Variants in ZNF280D observed in about 807,000 individuals in gnomAD.
ZNF280D encodes zinc finger protein 280D.
A neutral mutation model predicts 94.7 loss-of-function variants in ZNF280D; 39 were observed. The ratio of observed to expected loss-of-function variants is 0.41; its 90% CI spans 0.32 to 0.54. The LOEUF (loss-of-function observed/expected upper bound fraction) is 0.54, where lower values mean the gene tolerates loss of function less well. Ranked by LOEUF, ZNF280D falls within the 20% of genes least tolerant of loss-of-function variation. ZNF280D has a pLI of 0.22. For missense variants in ZNF280D, 1,090 were observed against 1,149.3 expected (o/e 0.95, Z 0.75); for synonymous variants, 398 against 377.6 (o/e 1.05, Z -0.63).
At chr15:56,700,790 TA>T (rs1567003110) in intron 6 of ZNF280D, 142 bp downstream of exon 6, 1 of 1,544,640 alleles carries the variant, frequency 6.5e-7, no homozygotes, top group South Asian at 1.2e-5. Context: ...CTAGCGAAAA[TA>T]TGGTGACATT....
rs565691241 is a variant in ZNF280D, at chr15:56,720,952, T to A, written c.-86+12506A>T. On this transcript the variant is annotated intron_variant, in intron 1 of 21. Coordinates refer to ENST00000267807, the MANE Select transcript of ZNF280D (RefSeq NM_017661.4). ...TTCCATTTTTAAAGCATAGGCAGAGTAGATTTAGCATTTTTTTTGGGGGGG... is the reference window on the plus strand; with the variant it reads ...TTCCATTTTTAAAGCATAGGCAGAGAAGATTTAGCATTTTTTTTGGGGGGG... Among the ~76,000 whole-genome samples, 12 of 112,322 alleles carry A rather than the reference T, an allele frequency of 1.1e-4. No homozygotes were observed. The East Asian group carries it at 2.7e-3, about 26-fold the overall frequency. The allele number at this position is 112,322 out of a possible 152,430, so 73.7% of individuals were successfully genotyped here.
chr15:56,671,184 T>C (rs1336244026), intron 13 of ZNF280D, among the ~76,000 whole-genome samples: 1 of 152,148 alleles, frequency 6.6e-6, no homozygotes, highest in Non-Finnish European at 1.5e-5. Context: ...TTAGATCTCA[T>C]GTGTCAATTT....
intron 1 of ZNF280D, among the ~76,000 whole-genome samples, chr15:56,728,580 C>A (rs763185377): frequency 3.9e-5 from 6 of 151,940 alleles, no homozygotes; most frequent in Admixed American, 6.6e-5. Flanking sequence ...AAAAGACAAC[C>A]CAGAAGGAAT....
chr15:56,731,218 T>C (rs1049987997), intron 1 of ZNF280D, among the ~76,000 whole-genome samples: 1 of 152,062 alleles, frequency 6.6e-6, no homozygotes. Context: ...AAAAGGTCAA[T>C]TTCGCCCAGT....
Position 56,676,998 on chromosome 15 carries a change from T to C in ZNF280D, c.1264-182A>G, listed in dbSNP as rs566859112. Among the ~76,000 whole-genome samples the C allele has an allele frequency of 3.3e-5, 5 of 152,300 alleles. No homozygotes were observed. In the East Asian group the frequency reaches 9.7e-4, roughly 29 times the overall value. On this transcript the variant is annotated intron_variant, in intron 12 of 21. Transcript: ENST00000267807. The stretch of plus-strand genomic sequence containing the variant: ...AAGACCATCTTTGAGACATTAAACG[T>C]AGCTTTCAAAGTTAAGGGATACATC...
At chr15:56,712,641 C>CATTCTACAT (rs1416612055) in intron 1 of ZNF280D, among the ~76,000 whole-genome samples, 3 of 145,896 alleles carry the variant, frequency 2.1e-5, no homozygotes, top group African/African-American at 7.5e-5. Flanking sequence ...AAAAAACACT[C>CATTCTACAT]ATTCTACATG....
Position 56,704,654 on chromosome 15 carries a change from G to A in ZNF280D, c.29-387C>T, listed in dbSNP as rs941775017. On this transcript the variant is annotated intron_variant, in intron 3 of 21. Transcript: ENST00000267807. ...AACTAAGAATAATAGGCAACAGGTG[G>A]GAGATAAACTGGATAAACTAAACCA... Among the ~76,000 whole-genome samples the A allele has an allele frequency of 2.6e-5, 4 of 152,124 alleles. No individual in the cohort carries two copies. In the East Asian group the frequency reaches 7.7e-4, roughly 29 times the overall value.
chr15:56,726,213 A>T (rs569639373), intron 1 of ZNF280D, among the ~76,000 whole-genome samples: 1 of 32,664 alleles, frequency 3.1e-5, no homozygotes. Context: ...ACAACAGGCT[A>T]AAAAAAAAAA....
Position 56,714,599 on chromosome 15 carries a change from G to A in ZNF280D, c.-85-7293C>T, listed in dbSNP as rs1370457984. 2.0e-5 allele frequency among the ~76,000 whole-genome samples: 3 copies of A among 152,142 alleles called. No homozygotes were observed. The East Asian group carries it at 5.8e-4, about 29-fold the overall frequency. ...TAGAATAGGGAAAATCCAGGTCCTG[G>A]AAGAGGCTGCTCTTTCCAAGAATAA... is the stretch of plus-strand genomic sequence containing the variant. On this transcript the variant is annotated intron_variant, in intron 1 of 21. Transcript: ENST00000267807.
intron 17 of ZNF280D, 96 bp from the exon 18 acceptor site, chr15:56,654,599 T>C (rs1320664364): frequency 9.1e-7 from 1 of 1,097,114 alleles, no homozygotes; most frequent in Non-Finnish European, 1.3e-6. Flanking sequence ...TTTTGTGCCA[T>C]ACATAACTAT....
Position 56,722,256 on chromosome 15 carries a change from G to T in ZNF280D, c.-86+11202C>A, listed in dbSNP as rs992537479. ...ACCATAACAAATATAATAATTTAAA[G>T]TCTGAAATATTGCAAAAATTACAAA... On this transcript the variant is annotated intron_variant, in intron 1 of 21. Transcript: ENST00000267807. Among the ~76,000 whole-genome samples the T allele has an allele frequency of 2.6e-5, 4 of 152,230 alleles. No homozygotes were observed. The East Asian group carries it at 7.7e-4, about 29-fold the overall frequency.
chr15:56,651,450 G>A (rs1273671836), intron 19 of ZNF280D, among the ~76,000 whole-genome samples: 4 of 152,094 alleles, frequency 2.6e-5, no homozygotes, highest in African/African-American at 9.7e-5. Context: ...TGTACTGACT[G>A]CCAAGTGTTT....
At chr15:56,726,284 T>A (rs1444886285) in intron 1 of ZNF280D, among the ~76,000 whole-genome samples, 1 of 151,968 alleles carries the variant, frequency 6.6e-6, no homozygotes, top group Non-Finnish European at 1.5e-5. Context: ...GGGGTGGAAC[T>A]CTAACTGTCC....
chr15:56,653,119 G>A (rs2053308380), intron 19 of ZNF280D: 1 of 994,216 alleles, frequency 1.0e-6, no homozygotes, highest in Non-Finnish European at 1.2e-6. Flanking sequence ...TGCAATTTTG[G>A]AACTTAATTG....
intron 1 of ZNF280D, among the ~76,000 whole-genome samples, chr15:56,725,147 G>A (rs762203716): frequency 2.0e-4 from 31 of 152,128 alleles, no homozygotes; most frequent in Non-Finnish European, 3.7e-4. Flanking sequence ...CAGGAGTGAA[G>A]CCTAGAAGCA....
intron 1 of ZNF280D, chr15:56,724,922 T>G: frequency 2.2e-6 from 1 of 454,834 alleles, no homozygotes; most frequent in South Asian, 1.6e-5. Flanking sequence ...CATGTTGCAT[T>G]TTGGTTATGA....
intron 1 of ZNF280D, among the ~76,000 whole-genome samples, chr15:56,711,419 C>G (rs1323889923): frequency 1.3e-5 from 2 of 152,104 alleles, no homozygotes; most frequent in Non-Finnish European, 2.9e-5. Context: ...AATTCCAGCA[C>G]TTTGGGAGGC....
At chr15:56,648,348 A>G (rs1293220857) in intron 19 of ZNF280D, among the ~76,000 whole-genome samples, 1 of 152,104 alleles carries the variant, frequency 6.6e-6, no homozygotes, top group African/African-American at 2.4e-5. Context: ...GGATTGGGAC[A>G]GTAAACTGGT....
At chr15:56,661,476 G>A (rs1290758981) in intron 16 of ZNF280D, among the ~76,000 whole-genome samples, 3 of 152,110 alleles carry the variant, frequency 2.0e-5, no homozygotes, top group African/African-American at 7.2e-5. Flanking sequence ...ATCATTTAGT[G>A]TCAATAAATT....
Sources: allele counts gnomAD v4.1 joint callset (sites outside exome capture counted in the v4.1 genomes callset), GRCh38; gene constraint gnomAD v4.1.1; transcripts MANE v1.5; gene names NCBI Gene and HGNC (gene_info 2026-07-23, HGNC 2026-07-21).